PCDH15: variants seen among roughly 807,000 people sequenced by gnomAD.
PCDH15 encodes protocadherin related 15, also known as protocadherin-15.
In PCDH15, 129 loss-of-function variants were observed where a neutral mutation model predicts 178.5. The ratio of observed to expected loss-of-function variants is 0.72; its 90% CI spans 0.63 to 0.84. The LOEUF (loss-of-function observed/expected upper bound fraction) is 0.84. Ranked by LOEUF, PCDH15 falls within the 40% of genes least tolerant of loss-of-function variation. PCDH15 has a pLI of 0.00. For missense variants in PCDH15, 2,230 were observed against 2,099.9 expected (o/e 1.06, Z -1.21); for synonymous variants, 800 against 732.0 (o/e 1.09, Z -1.50).
chr10:55,321,685 G>T (rs1009506249), upstream of PCDH15, among the ~76,000 whole-genome samples: 2 of 152,136 alleles, frequency 1.3e-5, no homozygotes, highest in Admixed American at 6.5e-5. Context: ...AGCAAGAAGA[G>T]ATTTGGGGCC....
At chr10:55,467,685 G>C (rs1839860396) in intron 2 of PCDH15, among the ~76,000 whole-genome samples, 1 of 151,916 alleles carries the variant, frequency 6.6e-6, no homozygotes, top group Middle Eastern at 3.2e-3. Flanking sequence ...TAAAAGTGAG[G>C]CTGGGCGTGG....
intron 8 of PCDH15, among the ~76,000 whole-genome samples, chr10:54,262,784 G>A (rs185962433): frequency 3.9e-5 from 6 of 152,320 alleles, no homozygotes; most frequent in Non-Finnish European, 5.9e-5. Context: ...CCTGATGGTC[G>A]TAGCTTTTTT....
intron 21 of PCDH15, among the ~76,000 whole-genome samples, chr10:53,984,937 G>A (rs889955554): frequency 2.6e-5 from 4 of 152,092 alleles, no homozygotes; most frequent in African/African-American, 7.2e-5. Context: ...ACTGTGACAC[G>A]GGAGCAGTCT....
intron 1 of PCDH15, among the ~76,000 whole-genome samples, chr10:55,264,060 C>T (rs866573262): frequency 3.3e-5 from 5 of 152,054 alleles, no homozygotes; most frequent in African/African-American, 1.2e-4. Context: ...AGTGAGGGGG[C>T]TCCCCACTCC....
At chr10:53,828,958 G>T (rs970728970) in intron 30 of PCDH15, among the ~76,000 whole-genome samples, 1 of 152,078 alleles carries the variant, frequency 6.6e-6, no homozygotes, top group Non-Finnish European at 1.5e-5. Context: ...ATGGAGAGAG[G>T]TAGCAAGCCC....
chr10:54,944,274 A>G (rs569727674), intron 2 of PCDH15, among the ~76,000 whole-genome samples: 69 of 152,122 alleles, frequency 4.5e-4, no homozygotes, highest in Non-Finnish European at 8.7e-4. Context: ...CACAGCCTGC[A>G]TCTGACATTG....
At chr10:54,679,007 G>A (rs975210361) in intron 1 of PCDH15, among the ~76,000 whole-genome samples, 1 of 151,582 alleles carries the variant, frequency 6.6e-6, no homozygotes, top group Non-Finnish European at 1.5e-5. Flanking sequence ...TGGCTAACAC[G>A]GTGAAACCCC....
chr10:55,081,830 AAAG>A (rs1842047753), intron 2 of PCDH15, among the ~76,000 whole-genome samples: 2 of 152,198 alleles, frequency 1.3e-5, no homozygotes, highest in South Asian at 4.1e-4. Context: ...GGACTAAGAC[AAAG>A]AAGGTCACTA....
intron 2 of PCDH15, among the ~76,000 whole-genome samples, chr10:55,008,591 G>C (rs1839982818): frequency 6.6e-6 from 1 of 152,100 alleles, no homozygotes; most frequent in South Asian, 2.1e-4. Context: ...TAGGGTGGCA[G>C]AGTAACTATT....
At chr10:54,187,272 C>T (rs10825262) in intron 11 of PCDH15, among the ~76,000 whole-genome samples, 66,211 of 151,706 alleles carry the variant, frequency 0.44, 17,566 homozygotes, top group East Asian at 0.94. Context: ...TCCTTTCAAC[C>T]GTAACCTCTG....
chr10:54,430,650 A>G (rs1359652927), intron 3 of PCDH15, among the ~76,000 whole-genome samples: 2 of 152,108 alleles, frequency 1.3e-5, no homozygotes, highest in Non-Finnish European at 2.9e-5. Context: ...AAGTGCCTAC[A>G]TCAAAAAAGA....
At chr10:54,600,164 C>T (rs1288686190) in intron 2 of PCDH15, 1 of 689,564 alleles carries the variant, frequency 1.5e-6, no homozygotes, top group Non-Finnish European at 2.6e-6. Context: ...AAGGAGGAAG[C>T]CATGGAGGAG....
In PCDH15 at chr10:55,328,716, A is replaced by G. The variant is rs112438409; in HGVS notation, c.-155-162065T>C. Reference sequence around the variant, plus strand: ...AATTTATTGTCATAATTCCCTAAACAATACAGTACAATTATTTACATAATA... The same window carrying G: ...AATTTATTGTCATAATTCCCTAAACGATACAGTACAATTATTTACATAATA... On this transcript the variant is annotated intron_variant, in intron 2 of 5. Transcript: ENST00000613346. Among the ~76,000 whole-genome samples, 1,477 of 151,334 alleles carry G rather than the reference A, an allele frequency of 9.8e-3. 24 individuals are homozygous for G. The highest frequency in any genetic ancestry group is 0.034 in the African/African-American group (1,389 of 41,382).
chr10:55,175,993 G>A (rs961410544), intron 1 of PCDH15, among the ~76,000 whole-genome samples: 2 of 152,150 alleles, frequency 1.3e-5, no homozygotes, highest in South Asian at 2.1e-4. Flanking sequence ...GGAGATGCAG[G>A]TTACCGGGTA....
intron 18 of PCDH15, among the ~76,000 whole-genome samples, chr10:54,035,057 T>G (rs1157364784): frequency 6.6e-6 from 1 of 151,840 alleles, no homozygotes; most frequent in Non-Finnish European, 1.5e-5. Flanking sequence ...AAGAGGAATA[T>G]TTCAATATCA....
chr10:55,510,547 T>G (rs1840856577), intron 2 of PCDH15, among the ~76,000 whole-genome samples: 1 of 152,006 alleles, frequency 6.6e-6, no homozygotes, highest in Admixed American at 6.6e-5. Flanking sequence ...GTCCATCTTC[T>G]TACTGGAAGA....
At chr10:54,094,594 C>T (rs1040182249) in intron 15 of PCDH15, among the ~76,000 whole-genome samples, 2 of 152,050 alleles carry the variant, frequency 1.3e-5, no homozygotes, top group African/African-American at 4.8e-5. Flanking sequence ...AAGAGGAGCT[C>T]CTCAGTGTAC....
At chr10:54,182,988 T>C (rs938273369) in intron 13 of PCDH15, among the ~76,000 whole-genome samples, 20 of 116,902 alleles carry the variant, frequency 1.7e-4, no homozygotes, top group African/African-American at 2.9e-4. Context: ...TTTTTGTTTT[T>C]GTTTTTTTTT....
At chr10:54,895,698 T>C (rs1954533441) in intron 3 of PCDH15, among the ~76,000 whole-genome samples, 1 of 152,206 alleles carries the variant, frequency 6.6e-6, no homozygotes, top group Non-Finnish European at 1.5e-5. Flanking sequence ...CAATTTGTCT[T>C]TCTGTTTTGG....
Sources: gnomAD v4.1 joint callset for allele counts (sites outside exome capture counted in the v4.1 genomes callset) on GRCh38, gnomAD v4.1.1 for gene constraint, MANE v1.5 for transcripts, NCBI Gene and HGNC (gene_info 2026-07-23, HGNC 2026-07-21) for gene names.